Variants in LRMDA observed in about 807,000 individuals in gnomAD.
LRMDA encodes the protein leucine-rich melanocyte differentiation-associated protein.
A neutral mutation model predicts 29.8 loss-of-function variants in LRMDA; 18 were observed. The ratio of observed to expected loss-of-function variants is 0.60; its 90% CI spans 0.42 to 0.90. The LOEUF is 0.90. Among genes scored for constraint, LRMDA ranks in the 40% least tolerant of loss-of-function variants. The pLI, the probability that LRMDA is intolerant of heterozygous loss-of-function variation, is 0.00. For synonymous variants in LRMDA, 125 were observed against 109.4 expected (o/e 1.14, Z -0.89); for missense variants, 273 against 273.9 (o/e 1.00, Z 0.02).
intron 2 of LRMDA, among the ~76,000 whole-genome samples, chr10:75,683,011 C>T (rs1842042862): frequency 2.0e-5 from 3 of 152,168 alleles, no homozygotes; most frequent in African/African-American, 2.4e-5. Flanking sequence ...TCACGATGTT[C>T]GAGGTGGGGA....
intron 2 of LRMDA, among the ~76,000 whole-genome samples, chr10:75,632,510 T>A (rs911021742): frequency 6.6e-6 from 1 of 152,186 alleles, no homozygotes; most frequent in African/African-American, 2.4e-5. Flanking sequence ...TAATAAACTC[T>A]CAGACTTATT....
chr10:76,527,785 T>C (rs75633384), intron 6 of LRMDA, among the ~76,000 whole-genome samples: 2,959 of 152,262 alleles, frequency 0.019, 60 homozygotes, highest in African/African-American at 0.051. Context: ...TAATATAATC[T>C]GTAATGTATC....
At chr10:76,102,645 CTT>C (rs1849411985) in intron 5 of LRMDA, among the ~76,000 whole-genome samples, 1 of 152,056 alleles carries the variant, frequency 6.6e-6, no homozygotes, top group East Asian at 1.9e-4. Context: ...AGTTCCATGT[CTT>C]TTGTTTTTTT....
chr10:76,429,323 C>A (rs148420744), intron 6 of LRMDA, among the ~76,000 whole-genome samples: 4 of 152,168 alleles, frequency 2.6e-5, no homozygotes, highest in Non-Finnish European at 5.9e-5. Flanking sequence ...AGGTCTTAGC[C>A]CTGCAACCCT....
intron 5 of LRMDA, 60 bp from the exon 6 acceptor site, chr10:76,324,341 A>T: frequency 7.2e-7 from 1 of 1,389,452 alleles, no homozygotes; most frequent in South Asian, 1.2e-5. Context: ...CTGGTAAATG[A>T]GGGTATTTGG....
chr10:75,532,502 A>G (rs111841561), intron 2 of LRMDA, among the ~76,000 whole-genome samples: 2 of 152,330 alleles, frequency 1.3e-5, no homozygotes, highest in African/African-American at 2.4e-5. Flanking sequence ...TTTGCCAAAC[A>G]TCAGGCTCTG....
At chr10:75,500,699 C>T (rs566610725) in intron 2 of LRMDA, among the ~76,000 whole-genome samples, 15 of 152,204 alleles carry the variant, frequency 9.9e-5, no homozygotes, top group Non-Finnish European at 1.8e-4. Context: ...GGGAAGCAGG[C>T]ACGTTTTACA....
chr10:75,888,829 AG>A (rs1845434769), intron 2 of LRMDA, among the ~76,000 whole-genome samples: 1 of 152,336 alleles, frequency 6.6e-6, no homozygotes, highest in East Asian at 1.9e-4. Flanking sequence ...GTCTTAGCAG[AG>A]GGATGGAAAA....
rs573850172 is a variant in LRMDA, at chr10:75,692,324, T to C, written c.131+253830T>C. ...ACATATATACATACATATATACATA[T>C]GTATATATATGTATATGTATTGATG... is the stretch of plus-strand genomic sequence containing the variant. On this transcript the variant is annotated intron_variant, in intron 2 of 6. Coordinates refer to ENST00000611255, the MANE Select transcript of LRMDA (RefSeq NM_001305581.2). 1.1e-4 allele frequency among the ~76,000 whole-genome samples: 16 copies of C among 147,064 alleles called. No individual in the cohort carries two copies. The South Asian group carries it at 3.4e-3, about 31-fold the overall frequency.
chr10:75,915,525 C>T (rs1845919077), intron 2 of LRMDA, among the ~76,000 whole-genome samples: 1 of 152,160 alleles, frequency 6.6e-6, no homozygotes, highest in Non-Finnish European at 1.5e-5. Flanking sequence ...TAGGTATGAG[C>T]CAGCAAGTCT....
intron 5 of LRMDA, among the ~76,000 whole-genome samples, chr10:76,170,853 C>T (rs1034696839): frequency 3.9e-5 from 6 of 152,148 alleles, no homozygotes; most frequent in Non-Finnish European, 8.8e-5. Flanking sequence ...GGAAAATAAA[C>T]TAAAAAATAT....
intron 2 of LRMDA, among the ~76,000 whole-genome samples, chr10:75,839,866 G>T (rs939817737): frequency 6.6e-6 from 1 of 151,760 alleles, no homozygotes; most frequent in Non-Finnish European, 1.5e-5. Flanking sequence ...CCGCCACCGC[G>T]CCCGGCTAAG....
intron 2 of LRMDA, among the ~76,000 whole-genome samples, chr10:75,754,867 C>T (rs1843011916): frequency 6.6e-6 from 1 of 152,020 alleles, no homozygotes; most frequent in African/African-American, 2.4e-5. Flanking sequence ...ATCCACGGTC[C>T]GTAGGAGCCA....
chr10:75,857,106 CCT>C (rs531217209), intron 2 of LRMDA, among the ~76,000 whole-genome samples: 45 of 152,188 alleles, frequency 3.0e-4, no homozygotes, highest in Non-Finnish European at 5.9e-4. Flanking sequence ...CTTCTCTGAG[CCT>C]CTGTTTCTTT....
intron 6 of LRMDA, among the ~76,000 whole-genome samples, chr10:76,428,351 A>T (rs1490202193): frequency 2.0e-5 from 3 of 152,170 alleles, no homozygotes; most frequent in Non-Finnish European, 4.4e-5. Flanking sequence ...CTAGGTGTCC[A>T]GACCTTCATC....
At chr10:76,286,369 G>C (rs1176840208) in intron 5 of LRMDA, among the ~76,000 whole-genome samples, 1 of 152,236 alleles carries the variant, frequency 6.6e-6, no homozygotes, top group East Asian at 1.9e-4. Context: ...AACCAACCCG[G>C]TGACCCCGGG....
At chr10:75,964,830 C>T (rs1392612276) in intron 2 of LRMDA, among the ~76,000 whole-genome samples, 2 of 152,182 alleles carry the variant, frequency 1.3e-5, no homozygotes, top group Non-Finnish European at 2.9e-5. Flanking sequence ...TGCAGTGGTA[C>T]AATCTCGGCT....
intron 5 of LRMDA, among the ~76,000 whole-genome samples, chr10:76,199,433 C>T (rs1851388726): frequency 6.6e-6 from 1 of 152,168 alleles, no homozygotes; most frequent in African/African-American, 2.4e-5. Context: ...TCCTCCTTTC[C>T]CTTATCCTTA....
At chr10:76,234,706 G>A (rs993107380) in intron 5 of LRMDA, among the ~76,000 whole-genome samples, 4 of 152,122 alleles carry the variant, frequency 2.6e-5, no homozygotes, top group Non-Finnish European at 4.4e-5. Flanking sequence ...TGAAGACAGC[G>A]TCTTTCCTTA....
Sources: allele counts gnomAD v4.1 joint callset (sites outside exome capture counted in the v4.1 genomes callset), GRCh38; gene constraint gnomAD v4.1.1; transcripts MANE v1.5; gene names NCBI Gene and HGNC (gene_info 2026-07-23, HGNC 2026-07-21).